ACCSL: variants seen among roughly 807,000 people sequenced by gnomAD.
ACCSL encodes 1-aminocyclopropane-1-carboxylate synthase homolog (inactive) like, also known as probable inactive 1-aminocyclopropane-1-carboxylate synthase-like protein 2.
A neutral mutation model predicts 61.7 loss-of-function variants in ACCSL; 55 were observed. The observed-to-expected ratio is 0.89, with a 90% confidence interval of 0.72 to 1.12. The LOEUF is 1.12. Ranked by LOEUF, ACCSL falls within the 50% of genes most tolerant of loss-of-function variation. The pLI is 0.00. For synonymous variants in ACCSL, 258 were observed against 264.3 expected (o/e 0.98, Z 0.23); for missense variants, 632 against 698.0 (o/e 0.91, Z 1.07).
the ACCSL span, among the ~76,000 whole-genome samples, chr11:44,041,847 G>A: frequency 6.6e-6 from 1 of 152,124 alleles, no homozygotes; most frequent in African/African-American, 2.4e-5. Context: ...GCTGAGAGAT[G>A]TTTCATGTTA....
At chr11:44,012,951 T>C in the ACCSL span, among the ~76,000 whole-genome samples, 1 of 152,140 alleles carries the variant, frequency 6.6e-6, no homozygotes, top group Admixed American at 6.5e-5. Flanking sequence ...CAAAGAATAA[T>C]CTGGTCCTAA....
the ACCSL span, chr11:43,942,545 G>T: frequency 4.2e-5 from 11 of 263,914 alleles, no homozygotes; most frequent in African/African-American, 1.9e-4. Context: ...CGCGGGGCGC[G>T]CACGCTTTAA....
At chr11:43,977,952 C>T in the ACCSL span, among the ~76,000 whole-genome samples, 4 of 150,458 alleles carry the variant, frequency 2.7e-5, no homozygotes, top group Non-Finnish European at 5.9e-5. Context: ...ACAAGTGACA[C>T]AAGTGTTACC....
rs778088271 is a variant in ACCSL, at chr11:44,049,977, A to T, written c.505-85A>T. 15 of 1,567,644 alleles carry T rather than the reference A, an allele frequency of 9.6e-6. No homozygotes were observed. In the South Asian group the frequency reaches 1.5e-4, roughly 15 times the overall value. On this transcript the variant is annotated intron_variant, in intron 1 of 13. Coordinates refer to ENST00000378832, the MANE Select transcript of ACCSL (RefSeq NM_001031854.2). ...ATTGAATTGCCTCATAGGCAGTGAGATCTCCATTTGAACTAATGTTTCAAG... is the reference window on the plus strand; with the variant it reads ...ATTGAATTGCCTCATAGGCAGTGAGTTCTCCATTTGAACTAATGTTTCAAG...
chr11:43,968,638 A>G, the ACCSL span, among the ~76,000 whole-genome samples: 2 of 152,186 alleles, frequency 1.3e-5, no homozygotes, highest in Non-Finnish European at 2.9e-5. Flanking sequence ...GGGATTGTGA[A>G]TTCAGGCTTC....
At chr11:43,949,170 G>A in the ACCSL span, among the ~76,000 whole-genome samples, 1 of 152,164 alleles carries the variant, frequency 6.6e-6, no homozygotes, top group Non-Finnish European at 1.5e-5. Context: ...ATCCCATCAT[G>A]GTGTCTGCTT....
chr11:44,040,820 A>C, the ACCSL span, among the ~76,000 whole-genome samples: 1 of 152,290 alleles, frequency 6.6e-6, no homozygotes, highest in Admixed American at 6.5e-5. Context: ...ATGGATCCCC[A>C]AAAGTGAATG....
Position 44,048,015 on chromosome 11 carries a change from G to A in ACCSL, c.-22G>A. 1 of 1,596,926 alleles carries A rather than the reference G, an allele frequency of 6.3e-7. No individual in the cohort carries two copies. The highest frequency in any genetic ancestry group is 1.1e-5 in the South Asian group (1 of 90,204). On this transcript the variant is annotated 5_prime_UTR_variant, in exon 1 of 14. Coordinates refer to ENST00000378832, the MANE Select transcript of ACCSL (RefSeq NM_001031854.2). ...CCATAGGTGCCAGGCAGCCTTCAGA[G>A]GCCAGTAAAGATACCCGGAGTATGA... is the stretch of plus-strand genomic sequence containing the variant.
chr11:43,928,769 A>T, the ACCSL span, among the ~76,000 whole-genome samples: 1 of 152,246 alleles, frequency 6.6e-6, no homozygotes, highest in African/African-American at 2.4e-5. Flanking sequence ...CAAGCTGCTT[A>T]TAAGTCATTC....
chr11:43,981,522 G>A, the ACCSL span, among the ~76,000 whole-genome samples: 1 of 152,218 alleles, frequency 6.6e-6, no homozygotes, highest in South Asian at 2.1e-4. Flanking sequence ...ATGTCAATAT[G>A]TTAAAGAAAA....
At chr11:43,976,482 A>C in the ACCSL span, among the ~76,000 whole-genome samples, 3 of 152,380 alleles carry the variant, frequency 2.0e-5, no homozygotes, top group East Asian at 5.8e-4. Context: ...GTATTTGTTA[A>C]GGTAATGAGA....
At position 44,050,624 on chromosome 11, in the gene ACCSL, T is replaced by C; in HGVS notation, c.635+2T>C. ...CCCTGATTGGAGAGGGCAGCCATTG[T>C]AAGTGACCTTCAGATTTAGAGTCTC... On this transcript the variant is annotated splice_donor_variant, in intron 3 of 13. Transcript: ENST00000378832. LOFTEE classifies it high-confidence loss of function. 1.2e-6 allele frequency: 2 copies of C among 1,613,808 alleles called. No homozygotes were observed. Among genetic ancestry groups the C allele is most frequent in the Non-Finnish European group, 1.7e-6 (2 of 1,179,808 alleles).
At chr11:43,924,747 C>T in the ACCSL span, among the ~76,000 whole-genome samples, 18 of 152,324 alleles carry the variant, frequency 1.2e-4, no homozygotes, top group African/African-American at 3.8e-4. Flanking sequence ...ACACCAGCCT[C>T]GCCACCAGTC....
chr11:44,039,498 CGG>C, the ACCSL span, among the ~76,000 whole-genome samples: 1 of 150,232 alleles, frequency 6.7e-6, no homozygotes, highest in African/African-American at 2.5e-5. Flanking sequence ...TTTGGGGACT[CGG>C]GGGGAAAGGA....
the ACCSL span, among the ~76,000 whole-genome samples, chr11:43,946,490 A>G: frequency 6.6e-6 from 1 of 152,104 alleles, no homozygotes; most frequent in Admixed American, 6.6e-5. Flanking sequence ...TATTCCCACC[A>G]CCCAGAGATA....
At chr11:43,949,374 T>A in the ACCSL span, among the ~76,000 whole-genome samples, 1 of 152,194 alleles carries the variant, frequency 6.6e-6, no homozygotes, top group African/African-American at 2.4e-5. Flanking sequence ...AAGCACAGAG[T>A]GGCCTCTGTG....
chr11:44,042,249 T>C, the ACCSL span, among the ~76,000 whole-genome samples: 1 of 152,216 alleles, frequency 6.6e-6, no homozygotes, highest in Admixed American at 6.5e-5. Context: ...CCTTTAAATA[T>C]ATGGTAGAAT....
chr11:43,996,827 T>TC, the ACCSL span, among the ~76,000 whole-genome samples: 1 of 151,342 alleles, frequency 6.6e-6, no homozygotes, highest in East Asian at 1.9e-4. Flanking sequence ...TTTTTTTTTT[T>TC]TTTGAGGCAA....
chr11:43,982,053 G>A, the ACCSL span, among the ~76,000 whole-genome samples: 12 of 152,178 alleles, frequency 7.9e-5, no homozygotes, highest in South Asian at 1.9e-3. Flanking sequence ...TGGAGCAGAG[G>A]GGGAGCTGTT....
Sources: gnomAD v4.1 joint callset for allele counts (sites outside exome capture counted in the v4.1 genomes callset) on GRCh38, gnomAD v4.1.1 for gene constraint, MANE v1.5 for transcripts, NCBI Gene and HGNC (gene_info 2026-07-23, HGNC 2026-07-21) for gene names.